Variants in PCM1 observed in about 807,000 individuals in gnomAD.
The protein encoded by PCM1 is pericentriolar material 1 protein.
Under a neutral mutation model 241.9 loss-of-function variants are expected in PCM1, and 157 were observed. That is an observed-to-expected ratio of 0.65 (90% CI 0.57 to 0.74). The LOEUF (loss-of-function observed/expected upper bound fraction) is 0.74. Ranked by LOEUF, PCM1 falls within the 30% of genes least tolerant of loss-of-function variation. The pLI, the probability that PCM1 is intolerant of heterozygous loss-of-function variation, is 0.00. For synonymous variants in PCM1, 1,085 were observed against 784.9 expected, an observed-to-expected ratio of 1.38 and a Z score of -6.39; for missense variants, 3,478 against 2,360.1, an observed-to-expected ratio of 1.47 and a Z score of -9.81.
At chr8:17,964,807 G>A (rs372048240) in intron 18 of PCM1, 39 bp downstream of exon 18, 1 of 1,499,284 alleles carries the variant, frequency 6.7e-7, no homozygotes, top group Non-Finnish European at 9.3e-7. Flanking sequence ...TAATTTAAGA[G>A]GCTCAGGTCT....
Position 17,967,027 on chromosome 8 carries a change from C to T in PCM1, c.3269C>T (p.Pro1090Leu). 1 of 1,609,186 alleles carries T rather than the reference C, an allele frequency of 6.2e-7. No individual in the cohort carries two copies. The highest frequency in any genetic ancestry group is 8.5e-7 in the Non-Finnish European group (1 of 1,177,668). Residue 1090 changes from proline (P) to leucine (L), a missense_variant, in exon 21 of 39, where the codon CCA (proline) becomes CTA (leucine). Physicochemically the swap from Pro to Leu is moderately conservative, Grantham distance 98 (BLOSUM62 -3). Coordinates refer to ENST00000325083, the MANE Select transcript of PCM1 (RefSeq NM_006197.4). ...CTTATGCGCCAGCAAAATCAGCATC[C>T]AGAAAAACCTGGAGGCAAGGAAAGA... ...NELMRQQNQH[P>L]EKPGGKERGS...
At chr8:18,025,233 A>G (rs2094105851) in intron 36 of PCM1, 128 bp from the exon 37 acceptor site, 2 of 470,956 alleles carry the variant, frequency 4.2e-6, no homozygotes, top group East Asian at 3.9e-5. Flanking sequence ...TTTCTAAATT[A>G]TTCATAGAGC....
At chr8:17,994,052 A>C (rs113107120) in intron 29 of PCM1, among the ~76,000 whole-genome samples, 4,320 of 152,048 alleles carry the variant, frequency 0.028, 219 homozygotes, top group African/African-American at 0.098. Flanking sequence ...ATCCAGTTAT[A>C]CTCTTTTAGT....
chr8:17,968,704 C>T lies in PCM1; in HGVS notation c.3413-873C>T, dbSNP rs558481382. On this transcript the variant is annotated intron_variant, in intron 21 of 38. Coordinates refer to ENST00000325083, the MANE Select transcript of PCM1 (RefSeq NM_006197.4). ...ACATATATTACAGTGTTATGCCCAGCAATGTGTATATATATGGATGTATAT... is the reference window on the plus strand; with the variant it reads ...ACATATATTACAGTGTTATGCCCAGTAATGTGTATATATATGGATGTATAT... 1.0e-3 allele frequency among the ~76,000 whole-genome samples: 144 copies of T among 143,662 alleles called. 1 individual carries two copies. The highest frequency in any genetic ancestry group is 3.7e-3 in the South Asian group (17 of 4,552). 94.2% of individuals were successfully genotyped at this position (143,662 alleles called of 152,430 possible).
At position 17,956,773 on chromosome 8, in the gene PCM1, A is replaced by G. The variant is rs758862383; in HGVS notation, c.1642A>G (p.Ile548Val). 2.2e-5 allele frequency: 35 copies of G among 1,604,946 alleles called. No individual in the cohort carries two copies. Among genetic ancestry groups the G allele is most frequent in the Non-Finnish European group, 2.4e-5 (28 of 1,174,612 alleles). ...TGAAAATTCCGAGCCTGTTACTAAC[A>G]TTCGGTAAGAACTTTTCTGGGGATG... The part of the protein sequence containing the change: ...EHENSEPVTN[I>V]RNPQVASTWN... Residue 548 changes from isoleucine to valine, a missense_variant, in exon 11 of 39, where the codon ATT (isoleucine) becomes GTT (valine). Transcript: ENST00000325083.
intron 30 of PCM1, among the ~76,000 whole-genome samples, chr8:18,007,978 T>G (rs2091779991): frequency 6.6e-6 from 1 of 152,186 alleles, no homozygotes. Flanking sequence ...TTGAAGATTC[T>G]CAACCTAAAA....
intron 5 of PCM1, among the ~76,000 whole-genome samples, chr8:17,939,463 ATT>A (rs1214067307): frequency 6.6e-6 from 1 of 152,136 alleles, no homozygotes; most frequent in African/African-American, 2.4e-5. Context: ...TTTGAAATGT[ATT>A]TTTGAATTGA....
chr8:17,994,672 T>A (rs1363884372), intron 29 of PCM1, among the ~76,000 whole-genome samples: 1 of 152,204 alleles, frequency 6.6e-6, no homozygotes, highest in Non-Finnish European at 1.5e-5. Context: ...GTATGAAAGT[T>A]CCCTTTTCTC....
rs1259716246 is a variant in PCM1 at position 17,947,218 on chromosome 8, G to A, written c.816G>A (p.Glu272=). ...ARDPQQEPME[E]IENLKKQHDL... is the part of the protein sequence containing the mutation. ...ATCCTCAGCAGGAGCCTATGGAAGA[G>A]ATAGAAAATTTGAAGAAACAACATG... The change falls in exon 7 of 39, where the codon GAG becomes GAA. Residue 272 remains glutamate, a synonymous_variant. Transcript: ENST00000325083. 1 of 1,610,106 alleles carries A rather than the reference G, an allele frequency of 6.2e-7. No individual in the cohort carries two copies. Among genetic ancestry groups the A allele is most frequent in the Admixed American group, 1.7e-5 (1 of 59,802 alleles).
intron 36 of PCM1, among the ~76,000 whole-genome samples, chr8:18,018,035 C>T (rs536114394): frequency 1.3e-5 from 2 of 152,260 alleles, no homozygotes; most frequent in South Asian, 2.1e-4. Context: ...ACTTTCAACC[C>T]CATGCTAATA....
chr8:17,955,054 A>G (rs1183432541), intron 9 of PCM1, among the ~76,000 whole-genome samples: 2 of 152,084 alleles, frequency 1.3e-5, no homozygotes, highest in East Asian at 1.9e-4. Context: ...CAGATTGAGT[A>G]CTGCACATGA....
At chr8:17,990,578 A>T (rs975739588) in intron 27 of PCM1, among the ~76,000 whole-genome samples, 1 of 151,130 alleles carries the variant, frequency 6.6e-6, no homozygotes, top group Non-Finnish European at 1.5e-5. Context: ...CGAGTCCTAG[A>T]CTTGGAAAGG....
At chr8:17,942,539 C>T (rs747742490) in intron 6 of PCM1, among the ~76,000 whole-genome samples, 3 of 151,896 alleles carry the variant, frequency 2.0e-5, no homozygotes, top group Non-Finnish European at 4.4e-5. Flanking sequence ...TTTTTGGAAA[C>T]CCCTTTCATT....
chr8:17,933,629 C>G (rs2059638241), intron 2 of PCM1, among the ~76,000 whole-genome samples: 1 of 152,040 alleles, frequency 6.6e-6, no homozygotes, highest in Admixed American at 6.6e-5. Flanking sequence ...GACATAGAGC[C>G]AAATTATTAC....
chr8:17,935,421 A>G (rs2060133141), intron 2 of PCM1, among the ~76,000 whole-genome samples, 168 bp from the exon 3 acceptor site: 1 of 152,200 alleles, frequency 6.6e-6, no homozygotes, highest in Non-Finnish European at 1.5e-5. Flanking sequence ...TAATCATAAT[A>G]TGCCTGTCAC....
At position 17,934,075 on chromosome 8, in the gene PCM1, G is replaced by C. The variant is rs553472168; in HGVS notation, c.-22-1514G>C. On this transcript the variant is annotated intron_variant, in intron 2 of 38. Transcript: ENST00000325083. ...TTTATTTTGAGATAAAATTTAATTT[G>C]CTATATAATTTGTTAAAGTAATATG... Among the ~76,000 whole-genome samples the C allele has an allele frequency of 4.5e-4, 69 of 151,794 alleles. 1 individual carries two copies. Among genetic ancestry groups the C allele is most frequent in the Non-Finnish European group, 1.0e-4 (7 of 67,942 alleles).
intron 29 of PCM1, 173 bp from the exon 30 acceptor site, chr8:18,006,090 T>C: frequency 1.7e-6 from 1 of 571,750 alleles, no homozygotes; most frequent in Non-Finnish European, 3.0e-6. Flanking sequence ...TACGTATGAA[T>C]AAAGTAGGAG....
Position 17,986,068 on chromosome 8 carries a change from G to A in PCM1, c.4391G>A (p.Ser1464Asn), listed in dbSNP as rs1256924873. ...ASNSELTPSE[S>N]LATTDDETFE... ...AACTCAGAACTTACTCCTAGTGAGAGCCTTGCTACTACTGATGATGTAAGC... is the reference window on the plus strand; with the variant it reads ...AACTCAGAACTTACTCCTAGTGAGAACCTTGCTACTACTGATGATGTAAGC... The change falls in exon 26 of 39, where the codon AGC (serine) becomes AAC (asparagine). Residue 1464 changes from serine (S) to asparagine (N), a missense_variant. Physicochemically the swap from Ser to Asn is conservative, Grantham distance 46. Transcript: ENST00000325083. The A allele has an allele frequency of 6.3e-7, 1 of 1,590,532 alleles. No homozygotes were observed. Among genetic ancestry groups the A allele is most frequent in the Non-Finnish European group, 8.6e-7 (1 of 1,167,934 alleles).
At chr8:18,004,959 A>G (rs934294279) in intron 29 of PCM1, among the ~76,000 whole-genome samples, 1 of 152,112 alleles carries the variant, frequency 6.6e-6, no homozygotes, top group African/African-American at 2.4e-5. Flanking sequence ...CTCTCCATCT[A>G]GGTACATTCA....
Sources: gnomAD v4.1 joint callset for allele counts (sites outside exome capture counted in the v4.1 genomes callset) on GRCh38, gnomAD v4.1.1 for gene constraint, MANE v1.5 for transcripts, NCBI Gene and HGNC (gene_info 2026-07-23, HGNC 2026-07-21) for gene names.